The following PCDHGA2 variants were observed in gnomAD, a reference collection of about 807,000 sequenced individuals.
The protein encoded by PCDHGA2 is protocadherin gamma subfamily A, 2.
In PCDHGA2, 40 loss-of-function variants were observed where a neutral mutation model predicts 59.2. That is an observed-to-expected ratio of 0.68 (90% confidence interval 0.52 to 0.88). The LOEUF (loss-of-function observed/expected upper bound fraction) is 0.88. Among genes scored for constraint, PCDHGA2 ranks in the 40% least tolerant of loss-of-function variants. The probability of loss-of-function intolerance (pLI) is 0.00; values close to 1 mark genes in which losing one functional copy is unlikely to be tolerated. For missense variants in PCDHGA2, 1,226 were observed against 1,204.0 expected (o/e 1.02, Z -0.27); for synonymous variants, 560 against 526.0 (o/e 1.06, Z -0.89).
chr5:141,509,132 G>A (rs1261849657), intron 3 of PCDHGA2, among the ~76,000 whole-genome samples: 1 of 152,150 alleles, frequency 6.6e-6, no homozygotes, highest in Admixed American at 6.5e-5. Flanking sequence ...GAGAAAAACC[G>A]AGGCGCATCC....
chr5:141,362,338 C>T lies in PCDHGA2; in HGVS notation c.2424+20943C>T, dbSNP rs760109365. ...TTTTCAGCCTGGTCTCAGCTCCAAG[C>T]CTGGACCTGGGGTTCTCCCCAATTA... On this transcript the variant is annotated intron_variant, in intron 1 of 3. Coordinates refer to ENST00000394576, the MANE Select transcript of PCDHGA2 (RefSeq NM_018915.4). The T allele has an allele frequency of 9.3e-6, 15 of 1,614,070 alleles. No homozygotes were observed. In the South Asian group the frequency reaches 1.6e-4, roughly 18 times the overall value.
chr5:141,351,353 A>G (rs1369493979), intron 1 of PCDHGA2: 7 of 1,613,362 alleles, frequency 4.3e-6, no homozygotes, highest in East Asian at 2.2e-5. Context: ...AATAGCCCTC[A>G]TAAAAGTGCG....
At chr5:141,395,009 G>A (rs371216255) in intron 1 of PCDHGA2, 168 of 1,613,918 alleles carry the variant, frequency 1.0e-4, no homozygotes, top group Non-Finnish European at 1.4e-4. Flanking sequence ...GTGGCAGATT[G>A]GTAGGCGTGC....
intron 1 of PCDHGA2, among the ~76,000 whole-genome samples, chr5:141,460,124 A>AAT (rs2098982741): frequency 6.6e-6 from 1 of 152,052 alleles, no homozygotes; most frequent in African/African-American, 2.4e-5. Context: ...TTATATATGT[A>AAT]ATATATATAT....
intron 1 of PCDHGA2, chr5:141,346,120 C>A (rs1179519142): frequency 6.2e-7 from 1 of 1,613,932 alleles, no homozygotes; most frequent in East Asian, 2.2e-5. Flanking sequence ...CTGGTGGTGG[C>A]GGTGGCCGCG....
At chr5:141,481,795 T>C (rs2154579318) in intron 1 of PCDHGA2, among the ~76,000 whole-genome samples, 1 of 150,244 alleles carries the variant, frequency 6.7e-6, no homozygotes, top group South Asian at 2.1e-4. Context: ...CTACTAAAAA[T>C]ACAAAAATTC....
chr5:141,400,867 C>A (rs1005203103), intron 1 of PCDHGA2, among the ~76,000 whole-genome samples: 37 of 152,162 alleles, frequency 2.4e-4, no homozygotes, highest in African/African-American at 8.9e-4. Context: ...TGTAGATAAA[C>A]CATTAAATTT....
Position 141,477,167 on chromosome 5 carries a change from G to C in PCDHGA2, c.2425-17640G>C. The C allele has an allele frequency of 6.2e-7, 1 of 1,614,166 alleles. No individual in the cohort carries two copies. Among genetic ancestry groups the C allele is most frequent in the South Asian group, 1.1e-5 (1 of 91,076 alleles). ...TGTGGATGTGAATGACAACGCCCCG[G>C]AGATCACAGTCACCTCCGTGTACAG... On this transcript the variant is annotated intron_variant, in intron 1 of 3. Coordinates refer to ENST00000394576, the MANE Select transcript of PCDHGA2 (RefSeq NM_018915.4). The surrounding 1 kb of genome is among the most constrained non-coding windows in gnomAD (Gnocchi z 4.9).
At position 141,355,337 on chromosome 5, in the gene PCDHGA2, G is replaced by A. The variant is rs368596451; in HGVS notation, c.2424+13942G>A. 5.6e-6 allele frequency: 9 copies of A among 1,613,898 alleles called. No homozygotes were observed. The African/African-American group carries it at 1.1e-4, about 19-fold the overall frequency. ...GAGCAGGAAGAAGGCTCAGTGGTGG[G>A]CAACATCGCCAAGGACCTGGGGTTG... On this transcript the variant is annotated intron_variant, in intron 1 of 3. Transcript: ENST00000394576.
chr5:141,374,787 T>C, intron 1 of PCDHGA2: 1 of 1,613,904 alleles, frequency 6.2e-7, no homozygotes, highest in Non-Finnish European at 8.5e-7. Flanking sequence ...GTTCTAGATG[T>C]GAATGACAAC....
chr5:141,461,286 C>T (rs2099012487), intron 1 of PCDHGA2, among the ~76,000 whole-genome samples: 1 of 152,144 alleles, frequency 6.6e-6, no homozygotes, highest in Admixed American at 6.6e-5. Context: ...TTCCCCACAT[C>T]CACACCAACA....
chr5:141,366,812 T>G (rs1459944909), intron 1 of PCDHGA2: 6 of 1,549,614 alleles, frequency 3.9e-6, no homozygotes, highest in Non-Finnish European at 4.4e-6. Context: ...TTTTTCATGT[T>G]TCTGTCATAT....
chr5:141,415,947 C>T (rs1161530180), intron 1 of PCDHGA2: 1 of 532,382 alleles, frequency 1.9e-6, no homozygotes, highest in Admixed American at 4.2e-5. Flanking sequence ...CCTGGGTGGT[C>T]ACATATTGAA....
At chr5:141,467,628 C>G (rs181245841) in intron 1 of PCDHGA2, among the ~76,000 whole-genome samples, 49 of 152,224 alleles carry the variant, frequency 3.2e-4, no homozygotes, top group African/African-American at 1.1e-3. Context: ...TTTGAGATAG[C>G]ATCTTTATCA....
intron 2 of PCDHGA2, among the ~76,000 whole-genome samples, chr5:141,500,501 G>A (rs571735791): frequency 1.3e-5 from 2 of 152,058 alleles, no homozygotes; most frequent in Non-Finnish European, 2.9e-5. Context: ...GAGCCACCGC[G>A]CCTGGCCGAG....
At chr5:141,390,560 T>C (rs531396970) in intron 1 of PCDHGA2, 1 of 443,156 alleles carries the variant, frequency 2.3e-6, no homozygotes, top group East Asian at 4.1e-5. Context: ...GTTAGACAGT[T>C]GTTGGCTCTC....
rs751145850 is a variant in PCDHGA2 at position 141,432,148 on chromosome 5, G to A, written c.2425-62659G>A. The A allele has an allele frequency of 6.1e-5, 99 of 1,613,884 alleles. No individual in the cohort carries two copies. The Admixed American group carries it at 1.5e-3, about 24-fold the overall frequency. On this transcript the variant is annotated intron_variant, in intron 1 of 3. Transcript: ENST00000394576. The surrounding 1 kb of genome is among the most constrained non-coding windows in gnomAD (Gnocchi z 6.0). ...CCTCCTATTCCGCTTATATCCCAGA[G>A]AACAATCCCAGAGGAGTTTCCCTCG...
At position 141,362,111 on chromosome 5, in the gene PCDHGA2, C is replaced by T; in HGVS notation, c.2424+20716C>T. The T allele has an allele frequency of 1.9e-6, 3 of 1,614,022 alleles. No individual in the cohort carries two copies. The highest frequency in any genetic ancestry group is 2.2e-5 in the East Asian group (1 of 44,872). ...CAGCCGCCACTCTCCGCTACGGCCACGCTGCACCTAATCTTCGCGGATAGC... is the reference window on the plus strand; with the variant it reads ...CAGCCGCCACTCTCCGCTACGGCCATGCTGCACCTAATCTTCGCGGATAGC... On this transcript the variant is annotated intron_variant, in intron 1 of 3. Transcript: ENST00000394576.
chr5:141,478,851 C>T, intron 1 of PCDHGA2: 1 of 1,374,810 alleles, frequency 7.3e-7, no homozygotes, highest in Non-Finnish European at 9.6e-7. Context: ...AGCTAAAACA[C>T]AAGATCTCAG....
Sources: allele counts gnomAD v4.1 joint callset (sites outside exome capture counted in the v4.1 genomes callset), GRCh38; gene constraint gnomAD v4.1.1; non-coding constraint Gnocchi (gnomAD v3.1); transcripts MANE v1.5; gene names NCBI Gene and HGNC (gene_info 2026-07-23, HGNC 2026-07-21).